SLCO1B1: variants seen among roughly 807,000 people sequenced by gnomAD.
SLCO1B1 encodes OATP-2.
Under a neutral mutation model 70.1 loss-of-function variants are expected in SLCO1B1, and 81 were observed. The ratio of observed to expected loss-of-function variants is 1.16; its 90% CI spans 0.97 to 1.39. The LOEUF is 1.39. Ranked by LOEUF, SLCO1B1 falls within the 40% of genes most tolerant of loss-of-function variation. The pLI is 0.00. For missense variants in SLCO1B1, 895 were observed against 799.6 expected, an observed-to-expected ratio of 1.12 and a Z score of -1.44; for synonymous variants, 283 against 271.5, an observed-to-expected ratio of 1.04 and a Z score of -0.42.
rs1940850136 is a variant in SLCO1B1 at position 21,178,573 on chromosome 12, T to TA, written c.482-2dup. The TA allele has an allele frequency of 1.3e-6, 2 of 1,595,182 alleles. No homozygotes were observed. On this transcript the variant is annotated splice_region_variant and splice_polypyrimidine_tract_variant and intron_variant, in intron 5 of 14. Coordinates refer to ENST00000256958, the MANE Select transcript of SLCO1B1 (RefSeq NM_006446.5). ...AAAATGAAACACTCTCTTATCTACA[T>TA]AGGTTGTTTAAAGGAATCTGGGTCA...
intron 11 of SLCO1B1, among the ~76,000 whole-genome samples, chr12:21,214,918 C>T (rs1246716465): frequency 1.3e-5 from 2 of 151,946 alleles, no homozygotes; most frequent in African/African-American, 2.4e-5. Flanking sequence ...CGCCCTGCTT[C>T]GGCTCACGCA....
chr12:21,233,340 T>C (rs1941561403), intron 14 of SLCO1B1, among the ~76,000 whole-genome samples: 1 of 152,002 alleles, frequency 6.6e-6, no homozygotes, highest in Non-Finnish European at 1.5e-5. Context: ...CCTCCACATA[T>C]ACAAATACAC....
At chr12:21,152,777 A>G (rs35642680) in intron 2 of SLCO1B1, among the ~76,000 whole-genome samples, 19,794 of 152,000 alleles carry the variant, frequency 0.13, 1,782 homozygotes, top group Middle Eastern at 0.23. Context: ...GCAAGCACTA[A>G]AAGTCCTATT....
At chr12:21,143,762 T>C (rs1940345445) in intron 2 of SLCO1B1, among the ~76,000 whole-genome samples, 1 of 152,050 alleles carries the variant, frequency 6.6e-6, no homozygotes, top group Admixed American at 6.6e-5. Context: ...CAAGATGTTA[T>C]GGCAAGCAGG....
chr12:21,145,215 A>G (rs953467687), intron 2 of SLCO1B1, among the ~76,000 whole-genome samples: 3 of 152,174 alleles, frequency 2.0e-5, no homozygotes, highest in Admixed American at 1.3e-4. Context: ...TTGAAATAAT[A>G]TTTATCTCAG....
chr12:21,156,574 T>A (rs1940545779), intron 2 of SLCO1B1, among the ~76,000 whole-genome samples: 1 of 152,096 alleles, frequency 6.6e-6, no homozygotes, highest in East Asian at 1.9e-4. Context: ...CTAACGTTAG[T>A]TAATAACAGA....
At chr12:21,184,946 G>A (rs1272421179) in intron 7 of SLCO1B1, among the ~76,000 whole-genome samples, 2 of 151,998 alleles carry the variant, frequency 1.3e-5, no homozygotes, top group African/African-American at 4.8e-5. Context: ...AAACAAAACA[G>A]GGCAGTAATC....
At chr12:21,133,392 G>C (rs1940169400) in intron 1 of SLCO1B1, among the ~76,000 whole-genome samples, 1 of 152,114 alleles carries the variant, frequency 6.6e-6, no homozygotes, top group African/African-American at 2.4e-5. Context: ...GCTTGATGGG[G>C]ATGGCATTGA....
chr12:21,178,971 G>A lies in SLCO1B1; in HGVS notation c.678G>A (p.Leu226=). The A allele has an allele frequency of 6.2e-7, 1 of 1,611,996 alleles. No individual in the cohort carries two copies. Among genetic ancestry groups the A allele is most frequent in the Non-Finnish European group, 8.5e-7 (1 of 1,178,608 alleles). The change falls in exon 7 of 15, where the codon CTG becomes CTA. Residue 226 remains leucine, a synonymous_variant. Transcript: ENST00000256958. ...AMIGPIIGFT[L]GSLFSKMYVD... ...TTGGTCCAATCATTGGCTTTACCCTGGGATCTCTGTTTTCTAAAATGTACG... is the reference window on the plus strand; with the variant it reads ...TTGGTCCAATCATTGGCTTTACCCTAGGATCTCTGTTTTCTAAAATGTACG...
At chr12:21,139,472 A>T (rs1940277133) in intron 1 of SLCO1B1, among the ~76,000 whole-genome samples, 1 of 152,148 alleles carries the variant, frequency 6.6e-6, no homozygotes, top group African/African-American at 2.4e-5. Context: ...ACTCACATAT[A>T]TGTAAGTGAT....
At chr12:21,207,786 T>C (rs553768096) in intron 11 of SLCO1B1, among the ~76,000 whole-genome samples, 1 of 152,102 alleles carries the variant, frequency 6.6e-6, no homozygotes, top group South Asian at 2.1e-4. Flanking sequence ...CCCTTTCTTC[T>C]GCAGCCTTGC....
At chr12:21,175,256 C>T (rs1940806184) in intron 4 of SLCO1B1, among the ~76,000 whole-genome samples, 1 of 152,078 alleles carries the variant, frequency 6.6e-6, no homozygotes, top group African/African-American at 2.4e-5. Flanking sequence ...ATGGTCTTGG[C>T]TTCATGATCC....
At chr12:21,212,934 CT>C (rs1475029473) in intron 11 of SLCO1B1, among the ~76,000 whole-genome samples, 2 of 151,882 alleles carry the variant, frequency 1.3e-5, no homozygotes, top group Non-Finnish European at 2.9e-5. Flanking sequence ...TTCCTCCATC[CT>C]TTTATTTTGA....
chr12:21,188,244 T>C (rs1162488998), intron 7 of SLCO1B1, among the ~76,000 whole-genome samples: 1 of 151,812 alleles, frequency 6.6e-6, no homozygotes. Context: ...TCTTCTACCC[T>C]AGTGAAAGCA....
At chr12:21,163,942 GAA>G (rs10718437) in intron 2 of SLCO1B1, among the ~76,000 whole-genome samples, 20 of 146,282 alleles carry the variant, frequency 1.4e-4, no homozygotes, top group South Asian at 6.4e-4. Flanking sequence ...ACAAATCACT[GAA>G]AAAAAAAAAA....
chr12:21,143,907 A>G (rs889573118), intron 2 of SLCO1B1, among the ~76,000 whole-genome samples: 2 of 152,098 alleles, frequency 1.3e-5, no homozygotes, highest in Admixed American at 6.6e-5. Context: ...CCAAATATAC[A>G]TGTTGTTACT....
rs191026718 is a variant in SLCO1B1 at position 21,193,944 on chromosome 12, C to T, written c.728-3002C>T. Among the ~76,000 whole-genome samples, 14 of 152,240 alleles carry T rather than the reference C, an allele frequency of 9.2e-5. No individual in the cohort carries two copies. The East Asian group carries it at 1.2e-3, about 13-fold the overall frequency. On this transcript the variant is annotated intron_variant, in intron 7 of 14. Transcript: ENST00000256958. ...TAGCTGGGACTACAGGTGCCCACCA[C>T]GATGCCTGGCTAATTTTTTTGTATT...
intron 8 of SLCO1B1, among the ~76,000 whole-genome samples, chr12:21,200,189 T>C (rs1941140211): frequency 6.6e-6 from 1 of 152,206 alleles, no homozygotes; most frequent in Non-Finnish European, 1.5e-5. Flanking sequence ...AGTGAATTAA[T>C]ATGTTTGCAA....
At chr12:21,131,384 A>C (rs1344050927) in intron 1 of SLCO1B1, 148 bp downstream of exon 1, 1 of 152,102 alleles carries the variant, frequency 6.6e-6, no homozygotes, top group African/African-American at 2.4e-5. Context: ...AAAACATAGT[A>C]AATATTCCTT....
Sources: gnomAD v4.1 joint callset for allele counts (sites outside exome capture counted in the v4.1 genomes callset) on GRCh38, gnomAD v4.1.1 for gene constraint, MANE v1.5 for transcripts, NCBI Gene and HGNC (gene_info 2026-07-23, HGNC 2026-07-21) for gene names.